Variants in ACOT12 observed in about 807,000 individuals in gnomAD.
The protein encoded by ACOT12 is acyl-CoA thioesterase 12.
In ACOT12, 51 loss-of-function variants were observed where a neutral mutation model predicts 67.7. That is an observed-to-expected ratio of 0.75 (90% CI 0.60 to 0.95). The LOEUF (loss-of-function observed/expected upper bound fraction) is 0.95. ACOT12 is among the 40% of genes least tolerant of loss of function. The probability of loss-of-function intolerance (pLI) is 0.00; values close to 1 mark genes in which losing one functional copy is unlikely to be tolerated. For missense variants in ACOT12, 734 were observed against 708.1 expected (o/e 1.04, Z -0.41); for synonymous variants, 251 against 244.6 (o/e 1.03, Z -0.24).
chr5:81,361,001 C>T (rs1388149648), intron 4 of ACOT12, among the ~76,000 whole-genome samples: 1 of 149,224 alleles, frequency 6.7e-6, no homozygotes, highest in East Asian at 2.0e-4. Flanking sequence ...TCGCTTGAAC[C>T]CAGGAGAAGG....
At chr5:81,373,863 C>T (rs1000392817) in intron 2 of ACOT12, among the ~76,000 whole-genome samples, 3 of 152,186 alleles carry the variant, frequency 2.0e-5, no homozygotes, top group African/African-American at 7.2e-5. Context: ...AAGGCAGCAT[C>T]TCCCTGGGAC....
intron 12 of ACOT12, among the ~76,000 whole-genome samples, chr5:81,333,350 A>T (rs182869405): frequency 6.6e-6 from 1 of 152,320 alleles, no homozygotes; most frequent in East Asian, 1.9e-4. Flanking sequence ...GGAGTCACAC[A>T]ACTTTCTTTT....
chr5:81,377,871 T>C (rs1417349411), intron 2 of ACOT12, among the ~76,000 whole-genome samples: 1 of 152,190 alleles, frequency 6.6e-6, no homozygotes, highest in Non-Finnish European at 1.5e-5. Context: ...TCCCTGCTCA[T>C]GGATAGGAAG....
chr5:81,346,664 T>C (rs1759390756), intron 6 of ACOT12, among the ~76,000 whole-genome samples: 1 of 152,190 alleles, frequency 6.6e-6, no homozygotes, highest in African/African-American at 2.4e-5. Context: ...GATGCTGCCA[T>C]AAGCCTTTAC....
the ACOT12 span, among the ~76,000 whole-genome samples, chr5:81,311,618 A>G: frequency 6.6e-6 from 1 of 152,246 alleles, no homozygotes; most frequent in Non-Finnish European, 1.5e-5. Flanking sequence ...AATAAAAAAT[A>G]TGAAATAACT....
the ACOT12 span, among the ~76,000 whole-genome samples, chr5:81,323,001 C>T: frequency 6.8e-6 from 1 of 147,394 alleles, no homozygotes; most frequent in African/African-American, 2.5e-5. Flanking sequence ...ACAGCAAAAG[C>T]ATATCACCTT....
At chr5:81,387,737 G>T (rs1760767510) in intron 1 of ACOT12, among the ~76,000 whole-genome samples, 1 of 151,908 alleles carries the variant, frequency 6.6e-6, no homozygotes, top group South Asian at 2.1e-4. Flanking sequence ...TGGAGACAGG[G>T]TCTCATGATT....
chr5:81,334,960 C>T (rs559862015), intron 12 of ACOT12, among the ~76,000 whole-genome samples: 1 of 152,316 alleles, frequency 6.6e-6, no homozygotes, highest in Admixed American at 6.5e-5. Flanking sequence ...AGCAGGAAGG[C>T]ATGCCTTTCA....
intron 4 of ACOT12, among the ~76,000 whole-genome samples, chr5:81,361,314 G>C (rs1759902152): frequency 6.6e-6 from 1 of 151,508 alleles, no homozygotes. Flanking sequence ...TTGGGCTCAA[G>C]GGATCCTCTC....
chr5:81,350,536 G>T (rs1383299646), intron 5 of ACOT12, among the ~76,000 whole-genome samples: 1 of 152,066 alleles, frequency 6.6e-6, no homozygotes. Context: ...TTTTTCACTA[G>T]GATCTCATAT....
At chr5:81,309,042 A>T in the ACOT12 span, 2 of 1,604,518 alleles carry the variant, frequency 1.2e-6, no homozygotes, top group Non-Finnish European at 8.5e-7. Context: ...GCTGATGGTA[A>T]GTACTGTTAC....
intron 2 of ACOT12, among the ~76,000 whole-genome samples, chr5:81,383,309 G>A (rs1760639942): frequency 6.6e-6 from 1 of 152,176 alleles, no homozygotes; most frequent in African/African-American, 2.4e-5. Context: ...AACCTGGGTT[G>A]CAGTGAGTCA....
At position 81,330,436 on chromosome 5, in the gene ACOT12, GA is replaced by G; in HGVS notation, c.1625del (p.Phe542SerfsTer2). The G allele has an allele frequency of 6.2e-7, 1 of 1,614,082 alleles. No homozygotes were observed. The highest frequency in any genetic ancestry group is 8.5e-7 in the Non-Finnish European group (1 of 1,179,978). Reference sequence around the variant, plus strand: ...ACCCATCATCAGGAGGATTCTCTAAGAACTGTATACAAGAGGCTGCTGTTTC... The same window carrying G: ...ACCCATCATCAGGAGGATTCTCTAAGACTGTATACAAGAGGCTGCTGTTTC... ...IEETAASCIQ[F>X]LENPPDDGFV... is the part of the protein sequence containing the mutation. On this transcript the variant is annotated frameshift_variant, in exon 15 of 15. Coordinates refer to ENST00000307624, the MANE Select transcript of ACOT12 (RefSeq NM_130767.3). LOFTEE classifies it low-confidence loss of function (END_TRUNC).
chr5:81,316,537 GTTA>G, the ACOT12 span, among the ~76,000 whole-genome samples: 1 of 152,060 alleles, frequency 6.6e-6, no homozygotes, highest in Non-Finnish European at 1.5e-5. Flanking sequence ...CCACTTTTTG[GTTA>G]TTATTAACAA....
intron 1 of ACOT12, among the ~76,000 whole-genome samples, chr5:81,392,582 G>A (rs1270515126): frequency 6.6e-6 from 1 of 152,110 alleles, no homozygotes; most frequent in Non-Finnish European, 1.5e-5. Flanking sequence ...CACTAAGCAA[G>A]GTAACTAAAA....
At chr5:81,344,788 C>T in intron 8 of ACOT12, 103 bp downstream of exon 8, 1 of 1,432,426 alleles carries the variant, frequency 7.0e-7, no homozygotes, top group Non-Finnish European at 9.6e-7. Flanking sequence ...GAGGGAAAAC[C>T]AAAGGGAAAG....
chr5:81,352,638 G>A (rs1241238691), intron 5 of ACOT12, among the ~76,000 whole-genome samples: 2 of 151,974 alleles, frequency 1.3e-5, no homozygotes, highest in Non-Finnish European at 2.9e-5. Context: ...ATGGTTAATG[G>A]GTACAAAAAT....
chr5:81,373,155 A>G (rs1008320140), intron 2 of ACOT12, among the ~76,000 whole-genome samples: 4 of 152,086 alleles, frequency 2.6e-5, no homozygotes, highest in African/African-American at 9.7e-5. Flanking sequence ...TGCATTTCCA[A>G]ATGAGGTACC....
intron 9 of ACOT12, 27 bp from the exon 10 acceptor site, chr5:81,343,908 T>A (rs1205763475): frequency 1.3e-6 from 2 of 1,599,230 alleles, no homozygotes; most frequent in Non-Finnish European, 1.7e-6. Context: ...AAGTGTTAAA[T>A]GACAGTTTTT....
Sources: gnomAD v4.1 joint callset for allele counts (sites outside exome capture counted in the v4.1 genomes callset) on GRCh38, gnomAD v4.1.1 for gene constraint, MANE v1.5 for transcripts, NCBI Gene and HGNC (gene_info 2026-07-23, HGNC 2026-07-21) for gene names.